Variants in TSHZ2 observed in about 807,000 individuals in gnomAD.
TSHZ2 encodes the protein teashirt homolog 2.
TSHZ2 carries 21 observed loss-of-function variants against 74.4 expected under a neutral mutation model. That is an observed-to-expected ratio of 0.28 (90% CI 0.20 to 0.41). TSHZ2 has a LOEUF of 0.41. Ranked by LOEUF, TSHZ2 falls within the 10% of genes least tolerant of loss-of-function variation. The pLI is 1.00. For missense variants in TSHZ2, 1,244 were observed against 1,293.5 expected (o/e 0.96, Z 0.59); for synonymous variants, 540 against 515.3 (o/e 1.05, Z -0.65).
chr20:53,162,998 C>T (rs1240289683), intron 1 of TSHZ2, among the ~76,000 whole-genome samples: 2 of 152,154 alleles, frequency 1.3e-5, no homozygotes, highest in African/African-American at 4.8e-5. Flanking sequence ...TTAGAAAGTA[C>T]TGAAAAGAAT....
intron 2 of TSHZ2, among the ~76,000 whole-genome samples, chr20:53,404,233 A>G (rs1392934035): frequency 6.6e-6 from 1 of 152,226 alleles, no homozygotes; most frequent in African/African-American, 2.4e-5. Context: ...TGGAATTTTC[A>G]TTATAAAACT....
At chr20:52,988,019 T>C (rs754068677) in intron 1 of TSHZ2, among the ~76,000 whole-genome samples, 24 of 152,220 alleles carry the variant, frequency 1.6e-4, no homozygotes, top group Non-Finnish European at 2.5e-4. Context: ...TCTCTTCTTT[T>C]TTATTCTTCC....
intron 2 of TSHZ2, among the ~76,000 whole-genome samples, chr20:53,391,247 C>T (rs1432332316): frequency 6.6e-6 from 1 of 152,062 alleles, no homozygotes; most frequent in Non-Finnish European, 1.5e-5. Context: ...CCTGGGTTCA[C>T]ACCATTCTCC....
Position 53,232,682 on chromosome 20 carries a change from A to G in TSHZ2, c.41-20817A>G, listed in dbSNP as rs557888211. ...GAGTTAGAGGCTGCAATTAGTTACT[A>G]TGGCACCACTGCACTCCAGCCTGGG... On this transcript the variant is annotated intron_variant, in intron 1 of 2. Transcript: ENST00000371497. Among the ~76,000 whole-genome samples the G allele has an allele frequency of 9.7e-4, 147 of 152,290 alleles. 1 individual carries two copies. The highest frequency in any genetic ancestry group is 3.5e-3 in the African/African-American group (145 of 41,558).
At chr20:53,343,899 T>C (rs1980326366) in intron 2 of TSHZ2, among the ~76,000 whole-genome samples, 1 of 152,214 alleles carries the variant, frequency 6.6e-6, no homozygotes, top group African/African-American at 2.4e-5. Context: ...TCCCCGGCTC[T>C]AGCGGAACTC....
At chr20:53,133,630 AG>A (rs1987165006) in intron 1 of TSHZ2, among the ~76,000 whole-genome samples, 1 of 152,226 alleles carries the variant, frequency 6.6e-6, no homozygotes, top group Admixed American at 6.5e-5. Context: ...ATTTATATTT[AG>A]TTCTATGTAT....
intron 1 of TSHZ2, among the ~76,000 whole-genome samples, chr20:53,227,010 T>C (rs1261578840): frequency 6.6e-6 from 1 of 152,186 alleles, no homozygotes; most frequent in African/African-American, 2.4e-5. Context: ...GAAAATGCAA[T>C]TTGCTTTCAT....
At chr20:53,288,934 G>A (rs762429901) in intron 2 of TSHZ2, among the ~76,000 whole-genome samples, 29 of 152,192 alleles carry the variant, frequency 1.9e-4, no homozygotes, top group Non-Finnish European at 3.5e-4. Flanking sequence ...AAAGTACATG[G>A]TACCCAATGT....
chr20:53,353,792 G>A (rs1034117645), intron 2 of TSHZ2, among the ~76,000 whole-genome samples: 3 of 152,162 alleles, frequency 2.0e-5, no homozygotes, highest in Non-Finnish European at 4.4e-5. Flanking sequence ...TTGAAACAAG[G>A]GTATTAGAAA....
chr20:53,431,536 C>G (rs1983850461), intron 2 of TSHZ2, among the ~76,000 whole-genome samples: 1 of 152,050 alleles, frequency 6.6e-6, no homozygotes, highest in Non-Finnish European at 1.5e-5. Context: ...ATAACAATCC[C>G]TACTACATAT....
chr20:53,106,807 C>T (rs1986389410), intron 1 of TSHZ2, among the ~76,000 whole-genome samples: 1 of 151,518 alleles, frequency 6.6e-6, no homozygotes, highest in Admixed American at 6.6e-5. Flanking sequence ...AAGCGATTCT[C>T]CAGCCTCAGC....
At chr20:52,977,538 G>A (rs1036175867) in intron 1 of TSHZ2, among the ~76,000 whole-genome samples, 4 of 150,986 alleles carry the variant, frequency 2.6e-5, no homozygotes, top group African/African-American at 9.7e-5. Context: ...GTTACTTAAG[G>A]CAGATATCTG....
At chr20:53,363,183 T>C (rs775014395) in intron 2 of TSHZ2, among the ~76,000 whole-genome samples, 2 of 152,246 alleles carry the variant, frequency 1.3e-5, no homozygotes, top group Non-Finnish European at 2.9e-5. Flanking sequence ...GGCCCTGCCT[T>C]GATCTCACAT....
chr20:53,383,384 A>G (rs6126825), intron 2 of TSHZ2, among the ~76,000 whole-genome samples: 32,109 of 152,138 alleles, frequency 0.21, 3,701 homozygotes, highest in South Asian at 0.34. Flanking sequence ...TAATCTTGAG[A>G]TGTACCCTAG....
At chr20:53,176,604 A>ATAAAATT (rs1988344188) in intron 1 of TSHZ2, among the ~76,000 whole-genome samples, 1 of 152,200 alleles carries the variant, frequency 6.6e-6, no homozygotes, top group African/African-American at 2.4e-5. Context: ...GGCTTAAGTC[A>ATAAAATT]AGAGTAACAG....
intron 1 of TSHZ2, among the ~76,000 whole-genome samples, chr20:53,164,563 G>A (rs1244954653): frequency 6.6e-6 from 1 of 152,172 alleles, no homozygotes; most frequent in African/African-American, 2.4e-5. Context: ...TACACTAGTA[G>A]CACTAGGCAT....
intron 1 of TSHZ2, among the ~76,000 whole-genome samples, chr20:53,058,266 G>A (rs887493867): frequency 6.6e-6 from 1 of 152,200 alleles, no homozygotes; most frequent in Non-Finnish European, 1.5e-5. Flanking sequence ...TAGCCCCAGA[G>A]TTGGGGACCT....
At chr20:53,039,174 C>T (rs1203602580) in intron 1 of TSHZ2, among the ~76,000 whole-genome samples, 1 of 152,094 alleles carries the variant, frequency 6.6e-6, no homozygotes, top group South Asian at 2.1e-4. Context: ...CATCTGGAAC[C>T]CTTCTCCTTC....
rs546370922 is a variant in TSHZ2, at chr20:53,223,932, C to T, written c.41-29567C>T. 7.8e-4 allele frequency among the ~76,000 whole-genome samples: 117 copies of T among 150,198 alleles called. 1 individual carries two copies. The highest frequency in any genetic ancestry group is 2.7e-3 in the African/African-American group (111 of 40,982). On this transcript the variant is annotated intron_variant, in intron 1 of 2. Coordinates refer to ENST00000371497, the MANE Select transcript of TSHZ2 (RefSeq NM_173485.6). ...ACACACACACACACACACACACACA[C>T]CCCTAAGTTTAGGTAAAACTGGTGA...
Sources: allele counts gnomAD v4.1 joint callset (sites outside exome capture counted in the v4.1 genomes callset), GRCh38; gene constraint gnomAD v4.1.1; transcripts MANE v1.5; gene names NCBI Gene and HGNC (gene_info 2026-07-23, HGNC 2026-07-21).